MYO18A: variants seen among roughly 807,000 people sequenced by gnomAD.
MYO18A encodes the protein myosin XVIIIA.
Under a neutral mutation model 235.8 loss-of-function variants are expected in MYO18A, and 78 were observed. The ratio of observed to expected loss-of-function variants is 0.33; its 90% CI spans 0.28 to 0.40. The LOEUF (loss-of-function observed/expected upper bound fraction) is 0.40, where lower values mean the gene tolerates loss of function less well. MYO18A is among the 10% of genes least tolerant of loss of function. The pLI is 1.00. For synonymous variants in MYO18A, 977 were observed against 1,077.8 expected, an observed-to-expected ratio of 0.91 and a Z score of 1.83; for missense variants, 2,215 against 2,699.3, an observed-to-expected ratio of 0.82 and a Z score of 3.98.
chr17:29,130,474 C>CCA (rs71135871), intron 2 of MYO18A, among the ~76,000 whole-genome samples: 7,393 of 141,420 alleles, frequency 0.052, 191 homozygotes, highest in Admixed American at 0.067. Flanking sequence ...GAGGCCTCTC[C>CCA]CACACACACA....
chr17:29,150,621 A>T (rs917450302), intron 2 of MYO18A, among the ~76,000 whole-genome samples: 2 of 152,392 alleles, frequency 1.3e-5, no homozygotes, highest in East Asian at 3.9e-4. Flanking sequence ...GGAGCTGTTT[A>T]GAGCCGTACT....
At chr17:29,145,869 C>G (rs1309807805) in intron 2 of MYO18A, among the ~76,000 whole-genome samples, 2 of 152,172 alleles carry the variant, frequency 1.3e-5, no homozygotes, top group East Asian at 1.9e-4. Flanking sequence ...AGCTTACAGA[C>G]AGCTTGGAGC....
intron 2 of MYO18A, among the ~76,000 whole-genome samples, chr17:29,142,613 C>A (rs938230363): frequency 1.3e-5 from 2 of 152,190 alleles, no homozygotes; most frequent in Non-Finnish European, 2.9e-5. Flanking sequence ...ATATGGGGTG[C>A]AGCATCTGTG....
In MYO18A at chr17:29,082,422, C is replaced by T. The variant is rs1360494728; in HGVS notation, c.5914G>A (p.Val1972Met). ...RKNKLEGDSD[V>M]DSELEDRVDG... ...ACACGGTCCTCCAGCTCCGAGTCCA[C>T]ATCAGAGTCTCCCTCACTGTAGGGA... Residue 1972 changes from valine (V) to methionine (M), a missense_variant, in exon 41 of 42, where the codon GTG becomes ATG. Val to Met is a conservative substitution (Grantham distance 21, BLOSUM62 1). Transcript: ENST00000527372. 1 of 1,613,400 alleles carries T rather than the reference C, an allele frequency of 6.2e-7. No homozygotes were observed. The highest frequency in any genetic ancestry group is 2.2e-5 in the East Asian group (1 of 44,874).
chr17:29,097,479 G>A, intron 26 of MYO18A, 129 bp from the exon 27 acceptor site: 1 of 1,265,312 alleles, frequency 7.9e-7, no homozygotes, highest in South Asian at 1.4e-5. Context: ...TCTCTGCAAT[G>A]ATGGCTTCCT....
chr17:29,128,988 G>A, intron 2 of MYO18A: 5 of 1,215,684 alleles, frequency 4.1e-6, no homozygotes, highest in Non-Finnish European at 5.4e-6. Context: ...GCATGGAGAG[G>A]TCAAACAGCC....
intron 2 of MYO18A, among the ~76,000 whole-genome samples, chr17:29,157,786 T>G (rs940515880): frequency 4.0e-5 from 6 of 151,352 alleles, no homozygotes; most frequent in African/African-American, 1.5e-4. Flanking sequence ...AGTTCAGTCT[T>G]TTTTTTTTCT....
chr17:29,160,399 C>CCA (rs1567640720), intron 2 of MYO18A, among the ~76,000 whole-genome samples: 1 of 152,194 alleles, frequency 6.6e-6, no homozygotes, highest in Non-Finnish European at 1.5e-5. Flanking sequence ...TGATTGCCCC[C>CCA]CACTTCCCCC....
intron 23 of MYO18A, 121 bp from the exon 24 acceptor site, chr17:29,098,566 C>T (rs2066578843): frequency 8.3e-7 from 1 of 1,207,610 alleles, no homozygotes; most frequent in African/African-American, 1.5e-5. Context: ...ATGGGGAAGG[C>T]ATGTCCCCAA....
chr17:29,094,934 A>C lies in MYO18A; in HGVS notation c.4509+2T>G. ...GCACAGATGGTGGGTGGCCCTACCC[A>C]CCTCTAGTTGCTGCTTCAGGCTGAA... On this transcript the variant is annotated splice_donor_variant, in intron 29 of 41. Coordinates refer to ENST00000527372, the MANE Select transcript of MYO18A (RefSeq NM_078471.4). LOFTEE classifies it high-confidence loss of function. The C allele has an allele frequency of 6.2e-7, 1 of 1,609,402 alleles. No homozygotes were observed. Among genetic ancestry groups the C allele is most frequent in the Non-Finnish European group, 8.5e-7 (1 of 1,176,476 alleles).
In MYO18A at chr17:29,121,179, C is replaced by G. The variant is rs765296469; in HGVS notation, c.1404G>C (p.Glu468Asp). Residue 468 changes from glutamate (E) to aspartate (D), a missense_variant, in exon 6 of 42, where the codon GAG (glutamate) becomes GAC (aspartate). Glu to Asp is a conservative substitution (Grantham distance 45, BLOSUM62 2). Transcript: ENST00000527372. The surrounding 1 kb of genome is among the most constrained non-coding windows in gnomAD (Gnocchi z 4.2). ...CTGCATAGATGTGGGGTGCCATGTC[C>G]TCCCGCCGACAACCCTTGAACATGT... ...VMHMFKGCRR[E>D]DMAPHIYAVA... 6.2e-6 allele frequency: 10 copies of G among 1,609,474 alleles called. No individual in the cohort carries two copies. The highest frequency in any genetic ancestry group is 1.7e-6 in the Non-Finnish European group (2 of 1,178,104).
rs993233019 is a variant in MYO18A at position 29,079,766 on chromosome 17, T to C, written c.6020+2550A>G. ...TCGGGCCGGTACAGGTACCGCATCA[T>C]CAGGCTGTCCACCTCTTTCTTGCGC... On this transcript the variant is annotated intron_variant, in intron 41 of 41. Transcript: ENST00000527372. 7.1e-6 allele frequency: 7 copies of C among 985,936 alleles called. No homozygotes were observed. The Admixed American group carries it at 3.1e-4, about 43-fold the overall frequency. The allele number at this position is 985,936 out of a possible 1,614,324, so 61.1% of individuals were successfully genotyped here.
chr17:29,096,998 G>T, intron 27 of MYO18A, 83 bp from the exon 28 acceptor site: 1 of 1,448,854 alleles, frequency 6.9e-7, no homozygotes, highest in South Asian at 1.4e-5. Flanking sequence ...GGGTGAGTGA[G>T]GGGAAGACCC....
chr17:29,085,554 G>T, intron 40 of MYO18A, 50 bp downstream of exon 40: 1 of 1,589,256 alleles, frequency 6.3e-7, no homozygotes, highest in Non-Finnish European at 8.6e-7. Context: ...GTTAGGGGTG[G>T]TTAGACACCC....
rs1199356637 is a variant in MYO18A at position 29,110,451 on chromosome 17, C to T, written c.3072G>A (p.Gln1024=). 2.5e-6 allele frequency: 4 copies of T among 1,590,742 alleles called. No individual in the cohort carries two copies. The Admixed American group carries it at 7.1e-5, about 28-fold the overall frequency. The part of the protein sequence containing the change: ...AAVKKKSLCI[Q]MKLQVDALID... ...TGGCACTCACCACCTGTAGCTTCAT[C>T]TGGATGCACAGTGACTTCTTTTTGA... Residue 1024 remains glutamine (Q), a synonymous_variant, in exon 18 of 42, where the codon CAG becomes CAA. Coordinates refer to ENST00000527372, the MANE Select transcript of MYO18A (RefSeq NM_078471.4).
intron 37 of MYO18A, among the ~76,000 whole-genome samples, chr17:29,088,001 G>A (rs1304119261): frequency 6.6e-6 from 1 of 151,224 alleles, no homozygotes; most frequent in Admixed American, 6.6e-5. Context: ...GTAAAATGGG[G>A]ATCAAAATAT....
chr17:29,094,923 T>A lies in MYO18A; in HGVS notation c.4509+13A>T. On this transcript the variant is annotated intron_variant, in intron 29 of 41. Transcript: ENST00000527372. ...AGGGGGACAGGGCACAGATGGTGGG[T>A]GGCCCTACCCACCTCTAGTTGCTGC... is the stretch of plus-strand genomic sequence containing the variant. The A allele has an allele frequency of 6.2e-7, 1 of 1,611,448 alleles. No individual in the cohort carries two copies.
intron 2 of MYO18A, among the ~76,000 whole-genome samples, chr17:29,139,347 GC>G (rs1161325665): frequency 6.6e-6 from 1 of 152,136 alleles, no homozygotes; most frequent in African/African-American, 2.4e-5. Flanking sequence ...GGTGCTAGTG[GC>G]CCGGGGGTGG....
chr17:29,089,471 C>T (rs957859577), intron 37 of MYO18A, among the ~76,000 whole-genome samples: 13 of 95,580 alleles, frequency 1.4e-4, no homozygotes. Flanking sequence ...AGAATAGGAT[C>T]ATAATCAAGA....
Sources: allele counts gnomAD v4.1 joint callset (sites outside exome capture counted in the v4.1 genomes callset), GRCh38; gene constraint gnomAD v4.1.1; non-coding constraint Gnocchi (gnomAD v3.1); transcripts MANE v1.5; gene names NCBI Gene and HGNC (gene_info 2026-07-23, HGNC 2026-07-21).